The following ARHGEF28 variants were observed in gnomAD, a reference collection of about 807,000 sequenced individuals.
The protein encoded by ARHGEF28 is Rho guanine nucleotide exchange factor 28.
ARHGEF28 carries 152 observed loss-of-function variants against 206.6 expected under a neutral mutation model. The ratio of observed to expected loss-of-function variants is 0.74; its 90% CI spans 0.64 to 0.84. ARHGEF28 has a LOEUF of 0.84. Ranked by LOEUF, ARHGEF28 falls within the 40% of genes least tolerant of loss-of-function variation. ARHGEF28 has a pLI of 0.00. For synonymous variants in ARHGEF28, 763 were observed against 776.4 expected (o/e 0.98, Z 0.29); for missense variants, 2,028 against 2,073.2 (o/e 0.98, Z 0.42).
At chr5:73,857,501 AT>A (rs1759120122) in intron 14 of ARHGEF28, among the ~76,000 whole-genome samples, 154 bp from the exon 15 acceptor site, 1 of 151,930 alleles carries the variant, frequency 6.6e-6, no homozygotes, top group Non-Finnish European at 1.5e-5. Context: ...TTTTTAATGA[AT>A]TGTTTTTCTC....
At chr5:73,695,727 C>T (rs1748169787) in intron 2 of ARHGEF28, among the ~76,000 whole-genome samples, 1 of 152,276 alleles carries the variant, frequency 6.6e-6, no homozygotes, top group South Asian at 2.1e-4. Flanking sequence ...TCTCTCTCTC[C>T]TCAGCCATTG....
intron 3 of ARHGEF28, among the ~76,000 whole-genome samples, chr5:73,751,397 G>A (rs1412399007): frequency 6.6e-6 from 1 of 152,132 alleles, no homozygotes; most frequent in Non-Finnish European, 1.5e-5. Context: ...GAGACAGAGC[G>A]AGACTCTGTC....
chr5:73,819,874 A>G (rs928025832), intron 9 of ARHGEF28, among the ~76,000 whole-genome samples: 2 of 152,274 alleles, frequency 1.3e-5, no homozygotes, highest in African/African-American at 2.4e-5. Flanking sequence ...GCTTGAGTGT[A>G]CTTTTTACCA....
chr5:73,747,201 G>T (rs1218206716), intron 2 of ARHGEF28, among the ~76,000 whole-genome samples: 1 of 152,146 alleles, frequency 6.6e-6, no homozygotes, highest in East Asian at 1.9e-4. Context: ...ATCTAGGAAA[G>T]TTTCTAGTTT....
At chr5:73,899,849 C>T (rs535121723) in intron 30 of ARHGEF28, 1 of 152,232 alleles carries the variant, frequency 6.6e-6, no homozygotes, top group Non-Finnish European at 1.5e-5. Context: ...AAATTGGATA[C>T]AGGGACAGGG....
At chr5:73,651,744 A>G (rs191142570) in intron 1 of ARHGEF28, among the ~76,000 whole-genome samples, 2 of 152,256 alleles carry the variant, frequency 1.3e-5, no homozygotes, top group Admixed American at 6.5e-5. Flanking sequence ...CTGTTTCTGT[A>G]TTATTCTCAT....
intron 10 of ARHGEF28, among the ~76,000 whole-genome samples, chr5:73,834,805 C>T (rs1757521844): frequency 6.6e-6 from 1 of 151,956 alleles, no homozygotes; most frequent in African/African-American, 2.4e-5. Context: ...ACCATATAGC[C>T]TAGGTGTGTA....
intron 9 of ARHGEF28, among the ~76,000 whole-genome samples, chr5:73,827,542 G>A (rs2112550498): frequency 6.6e-6 from 1 of 152,232 alleles, no homozygotes; most frequent in East Asian, 1.9e-4. Context: ...TACAGATCAG[G>A]AAATGCAAGC....
chr5:73,887,183 T>G (rs1761351294), intron 25 of ARHGEF28, among the ~76,000 whole-genome samples: 3 of 152,258 alleles, frequency 2.0e-5, no homozygotes. Flanking sequence ...GAACAATGTG[T>G]AAGGGAAGTA....
intron 1 of ARHGEF28, among the ~76,000 whole-genome samples, chr5:73,672,294 C>CAAACTCCTT (rs1746395102): frequency 6.6e-6 from 1 of 152,170 alleles, no homozygotes; most frequent in South Asian, 2.1e-4. Flanking sequence ...TTCAACCCCT[C>CAAACTCCTT]AAACTCCTTT....
chr5:73,871,252 C>T lies in ARHGEF28; in HGVS notation c.2566+1043C>T, dbSNP rs78315012. On this transcript the variant is annotated intron_variant, in intron 21 of 35. Transcript: ENST00000513042. ...AGGGCAAATTCTTTACCTTCTCTTC[C>T]TCACTGTTTCTCTTTAAAAGATAAG... is the stretch of plus-strand genomic sequence containing the variant. 6.5e-3 allele frequency among the ~76,000 whole-genome samples: 990 copies of T among 152,226 alleles called. 11 individuals carry two copies. Among genetic ancestry groups the T allele is most frequent in the African/African-American group, 0.023 (945 of 41,536 alleles).
intron 1 of ARHGEF28, among the ~76,000 whole-genome samples, chr5:73,671,857 G>A (rs910031054): frequency 7.0e-6 from 1 of 142,806 alleles, no homozygotes; most frequent in Non-Finnish European, 1.5e-5. Flanking sequence ...CCGGTTTCAA[G>A]CGATTCTCCT....
chr5:73,844,061 C>A (rs1004917339), intron 11 of ARHGEF28, among the ~76,000 whole-genome samples: 1 of 152,060 alleles, frequency 6.6e-6, no homozygotes, highest in South Asian at 2.1e-4. Context: ...AAAATAATAT[C>A]GTAAAACAAG....
chr5:73,721,201 T>A (rs1050403901), intron 2 of ARHGEF28, among the ~76,000 whole-genome samples: 2 of 152,086 alleles, frequency 1.3e-5, no homozygotes, highest in Non-Finnish European at 2.9e-5. Flanking sequence ...TGAGGAAGGA[T>A]GGGGGCCTGG....
chr5:73,680,571 C>T (rs1747019299), intron 1 of ARHGEF28, among the ~76,000 whole-genome samples: 1 of 150,990 alleles, frequency 6.6e-6, no homozygotes, highest in African/African-American at 2.4e-5. Context: ...GTGTACACTG[C>T]TCGGGTGATA....
At chr5:73,781,670 G>A (rs908805184) in intron 7 of ARHGEF28, among the ~76,000 whole-genome samples, 1 of 152,126 alleles carries the variant, frequency 6.6e-6, no homozygotes, top group Non-Finnish European at 1.5e-5. Context: ...TCAAAACCCG[G>A]TGGTTGCAAA....
intron 2 of ARHGEF28, among the ~76,000 whole-genome samples, chr5:73,707,634 G>T (rs1487081964): frequency 6.6e-6 from 1 of 152,184 alleles, no homozygotes; most frequent in Non-Finnish European, 1.5e-5. Context: ...TCCCTGACTA[G>T]TATGCAGAGG....
chr5:73,923,179 G>T (rs1326754110), intron 35 of ARHGEF28: 8 of 1,533,578 alleles, frequency 5.2e-6, no homozygotes, highest in Non-Finnish European at 6.1e-6. Context: ...TACTGCAAGG[G>T]GGGTGCTTAG....
intron 4 of ARHGEF28, among the ~76,000 whole-genome samples, chr5:73,772,526 G>A (rs1207727316): frequency 6.6e-6 from 1 of 152,098 alleles, no homozygotes; most frequent in Non-Finnish European, 1.5e-5. Flanking sequence ...CCACAGGCGA[G>A]TGCCACCATG....
Sources: allele counts gnomAD v4.1 joint callset (sites outside exome capture counted in the v4.1 genomes callset), GRCh38; gene constraint gnomAD v4.1.1; transcripts MANE v1.5; gene names NCBI Gene and HGNC (gene_info 2026-07-23, HGNC 2026-07-21).